ZNF544: variants seen among roughly 807,000 people sequenced by gnomAD.
The protein encoded by ZNF544 is zinc finger protein AF020591.
ZNF544 carries 10 observed loss-of-function variants against 13.5 expected under a neutral mutation model. The ratio of observed to expected loss-of-function variants is 0.74; its 90% CI spans 0.46 to 1.25. The LOEUF (loss-of-function observed/expected upper bound fraction) is 1.25, where lower values mean the gene tolerates loss of function less well. ZNF544 is among the 50% of genes most tolerant of loss of function. ZNF544 has a pLI of 0.00. For synonymous variants in ZNF544, 323 were observed against 300.5 expected (o/e 1.07, Z -0.77); for missense variants, 896 against 845.6 (o/e 1.06, Z -0.74).
intron 6 of ZNF544, chr19:58,260,453 T>C (rs547852024): frequency 1.3e-5 from 2 of 153,860 alleles, no homozygotes; most frequent in African/African-American, 4.8e-5. Flanking sequence ...ATTTTTTTTT[T>C]ATTTTTATTA....
intron 5 of ZNF544, among the ~76,000 whole-genome samples, chr19:58,275,315 G>C (rs1315576869): frequency 1.3e-5 from 2 of 151,948 alleles, no homozygotes; most frequent in East Asian, 1.9e-4. Flanking sequence ...ACACCAACTG[G>C]CACTGGCATC....
At chr19:58,241,843 C>T (rs938523252) in intron 3 of ZNF544, among the ~76,000 whole-genome samples, 2 of 152,056 alleles carry the variant, frequency 1.3e-5, no homozygotes, top group East Asian at 3.9e-4. Flanking sequence ...CTGTCCTCCC[C>T]CTGGCACTGA....
At chr19:58,270,458 C>T (rs1029321748) in intron 5 of ZNF544, among the ~76,000 whole-genome samples, 6 of 152,184 alleles carry the variant, frequency 3.9e-5, no homozygotes, top group South Asian at 2.1e-4. Context: ...CGTGCCACCA[C>T]GCCCAGCTAA....
At chr19:58,274,929 G>A (rs1252938051) in intron 5 of ZNF544, among the ~76,000 whole-genome samples, 4 of 152,050 alleles carry the variant, frequency 2.6e-5, no homozygotes, top group Non-Finnish European at 5.9e-5. Context: ...AAAACAAGCA[G>A]TAGGCAAAGA....
downstream of ZNF544, chr19:58,263,646 C>CCAGAAACTGG: frequency 1.1e-6 from 1 of 928,652 alleles, no homozygotes; most frequent in Non-Finnish European, 1.3e-6. Flanking sequence ...GCAGTAAAAT[C>CCAGAAACTGG]CAGGAGTCTG....
At position 58,263,449 on chromosome 19, in the gene ZNF544, GAC is replaced by G. The variant is rs2049403956; in HGVS notation, c.*698_*699del. ...ACACCGCTGCCTTGTGAGAGATTGA[GAC>G]ACTCTAAATAAATAATAACCAAGAT... is the stretch of plus-strand genomic sequence containing the variant. On this transcript the variant is annotated 3_prime_UTR_variant, in exon 7 of 7. Coordinates refer to ENST00000687789, the MANE Select transcript of ZNF544 (RefSeq NM_014480.4). 1.0e-6 allele frequency: 1 copy of G among 985,354 alleles called. No homozygotes were observed. The highest frequency in any genetic ancestry group is 1.7e-5 in the African/African-American group (1 of 57,324). 61.0% of individuals were successfully genotyped at this position (985,354 alleles called of 1,614,324 possible).
intron 5 of ZNF544, 61 bp downstream of exon 5, chr19:58,246,488 C>A (rs1471395645): frequency 8.7e-6 from 14 of 1,600,634 alleles, no homozygotes; most frequent in Admixed American, 1.7e-5. Flanking sequence ...GTACCAAGTT[C>A]TGAAGGGTGT....
At chr19:58,232,198 C>G (rs1196685756) in intron 3 of ZNF544, among the ~76,000 whole-genome samples, 2 of 152,012 alleles carry the variant, frequency 1.3e-5, no homozygotes, top group Non-Finnish European at 2.9e-5. Flanking sequence ...AAGATACGCT[C>G]TACTTAGAAG....
intron 6 of ZNF544, among the ~76,000 whole-genome samples, chr19:58,249,125 A>C (rs2045888148): frequency 6.6e-6 from 1 of 152,122 alleles, no homozygotes; most frequent in Non-Finnish European, 1.5e-5. Flanking sequence ...GGGCATGGAA[A>C]GTTTGGGTTT....
downstream of ZNF544, chr19:58,267,256 T>C (rs2147814732): frequency 6.6e-6 from 1 of 151,834 alleles, no homozygotes; most frequent in East Asian, 2.0e-4. Flanking sequence ...GACACGGGGT[T>C]TCACCATGTT....
In ZNF544 at chr19:58,261,651, A is replaced by G; in HGVS notation, c.1045A>G (p.Thr349Ala). ...TTTTTCTGACTGTAACATCATTCAG[A>G]CTACAGAGAAGCCATCTGTGTGTAA... ...SSFSDCNIIQ[T>A]TEKPSVCNQC... Residue 349 changes from threonine to alanine, a missense_variant, in exon 7 of 7, where the codon ACT (threonine) becomes GCT (alanine). Transcript: ENST00000687789. 6.2e-7 allele frequency: 1 copy of G among 1,614,218 alleles called. No homozygotes were observed. The highest frequency in any genetic ancestry group is 8.5e-7 in the Non-Finnish European group (1 of 1,180,028).
chr19:58,272,460 G>C (rs2050749251), intron 5 of ZNF544, among the ~76,000 whole-genome samples: 1 of 152,066 alleles, frequency 6.6e-6, no homozygotes, highest in South Asian at 2.1e-4. Context: ...AGGAGGCTGA[G>C]GTGTGAGATC....
chr19:58,245,474 G>A (rs1206270090), intron 4 of ZNF544, among the ~76,000 whole-genome samples: 1 of 149,090 alleles, frequency 6.7e-6, no homozygotes, highest in Non-Finnish European at 1.5e-5. Flanking sequence ...GCTAATTTTT[G>A]TATTTTTAGT....
At chr19:58,272,104 T>G (rs1441599017) in intron 5 of ZNF544, among the ~76,000 whole-genome samples, 2 of 147,676 alleles carry the variant, frequency 1.4e-5, no homozygotes, top group African/African-American at 5.0e-5. Context: ...GAGATTGCAA[T>G]GAGCCGAGAT....
chr19:58,237,164 A>C (rs1436084741), intron 3 of ZNF544, among the ~76,000 whole-genome samples: 1 of 149,824 alleles, frequency 6.7e-6, no homozygotes, highest in Admixed American at 6.7e-5. Flanking sequence ...CCCAGGCTCC[A>C]GCAATCTTCC....
intron 5 of ZNF544, among the ~76,000 whole-genome samples, chr19:58,275,587 C>T (rs1993464): frequency 0.32 from 48,686 of 151,170 alleles, 8,532 homozygotes; most frequent in East Asian, 0.53. Context: ...GGCGGATGGA[C>T]TGCTTGAAAT....
chr19:58,271,611 G>C (rs1270358951), intron 5 of ZNF544, among the ~76,000 whole-genome samples: 1 of 151,962 alleles, frequency 6.6e-6, no homozygotes, highest in Non-Finnish European at 1.5e-5. Context: ...CAAAAAAAAA[G>C]TGATGTCGGG....
At chr19:58,275,516 GA>G (rs1005035466) in intron 5 of ZNF544, among the ~76,000 whole-genome samples, 4 of 139,340 alleles carry the variant, frequency 2.9e-5, no homozygotes, top group African/African-American at 1.1e-4. Context: ...ACAAGAACTA[GA>G]AAAGAAAAAA....
intron 6 of ZNF544, among the ~76,000 whole-genome samples, chr19:58,256,946 C>T (rs971353510): frequency 6.6e-6 from 1 of 152,180 alleles, no homozygotes; most frequent in Admixed American, 6.5e-5. Context: ...TTAGGCATTT[C>T]AGTCTCACTC....
Sources: allele counts gnomAD v4.1 joint callset (sites outside exome capture counted in the v4.1 genomes callset), GRCh38; gene constraint gnomAD v4.1.1; transcripts MANE v1.5; gene names NCBI Gene and HGNC (gene_info 2026-07-23, HGNC 2026-07-21).